Variants in KLRG1 observed in about 807,000 individuals in gnomAD.
The protein encoded by KLRG1 is killer cell lectin-like receptor subfamily G member 1.
In KLRG1, 16 loss-of-function variants were observed where a neutral mutation model predicts 21.8. The ratio of observed to expected loss-of-function variants is 0.73; its 90% confidence interval spans 0.50 to 1.11. KLRG1 has a LOEUF of 1.11. KLRG1 is among the 50% of genes most tolerant of loss of function. The pLI is 0.00. For synonymous variants in KLRG1, 69 were observed against 75.9 expected (o/e 0.91, Z 0.47); for missense variants, 173 against 218.3 (o/e 0.79, Z 1.31).
At chr12:9,091,163 T>A in the KLRG1 span, 1 of 1,593,856 alleles carries the variant, frequency 6.3e-7, no homozygotes, top group Non-Finnish European at 8.6e-7. Context: ...ATTTACTTGA[T>A]GGCTACCTTG....
chr12:9,009,969 A>T lies in KLRG1; in HGVS notation c.*432A>T. The T allele has an allele frequency of 1.3e-6, 2 of 1,531,904 alleles. No individual in the cohort carries two copies. The highest frequency in any genetic ancestry group is 1.2e-5 in the South Asian group (1 of 83,936). 94.9% of individuals were successfully genotyped at this position (1,531,904 alleles called of 1,614,324 possible). On this transcript the variant is annotated 3_prime_UTR_variant, in exon 5 of 5. Coordinates refer to ENST00000356986, the MANE Select transcript of KLRG1 (RefSeq NM_005810.4). The stretch of plus-strand genomic sequence containing the variant: ...TGCTGTACTCCTCTGTACATTACTG[A>T]TCCCTGATGGTATATTTCTATCCTA...
intron 3 of KLRG1, among the ~76,000 whole-genome samples, chr12:8,997,078 G>C (rs1310891713): frequency 6.6e-6 from 1 of 152,178 alleles, no homozygotes; most frequent in Non-Finnish European, 1.5e-5. Flanking sequence ...CCCAGAGGAA[G>C]GGCAGGATCA....
the KLRG1 span, chr12:9,093,614 C>G: frequency 8.3e-7 from 1 of 1,206,536 alleles, no homozygotes; most frequent in East Asian, 2.5e-5. Context: ...TTACAATAAA[C>G]ATACAGATAA....
downstream of KLRG1, among the ~76,000 whole-genome samples, chr12:9,011,014 C>G (rs1947624277): frequency 6.6e-6 from 1 of 152,122 alleles, no homozygotes; most frequent in Non-Finnish European, 1.5e-5. Context: ...TTGGTAGTGA[C>G]TCTCAATTAA....
chr12:9,030,973 T>C, the KLRG1 span, among the ~76,000 whole-genome samples: 1 of 152,226 alleles, frequency 6.6e-6, no homozygotes, highest in African/African-American at 2.4e-5. Context: ...AGATAGCATC[T>C]CCCGGCAGGG....
At chr12:9,023,004 T>C in the KLRG1 span, among the ~76,000 whole-genome samples, 2 of 152,250 alleles carry the variant, frequency 1.3e-5, no homozygotes, top group Non-Finnish European at 2.9e-5. Context: ...GTATCTTTTG[T>C]AATATTCTTT....
chr12:9,160,787 C>T, the KLRG1 span, among the ~76,000 whole-genome samples: 1 of 151,860 alleles, frequency 6.6e-6, no homozygotes. Context: ...TGGTGGCGGG[C>T]GCCTGTAGTC....
the KLRG1 span, among the ~76,000 whole-genome samples, chr12:9,175,381 C>A: frequency 5.9e-5 from 9 of 152,138 alleles, no homozygotes; most frequent in Non-Finnish European, 1.0e-4. Flanking sequence ...CTAGGCAATA[C>A]CATTCAGGAG....
intron 1 of KLRG1, chr12:8,970,454 A>G (rs1184723863): frequency 6.6e-6 from 1 of 152,240 alleles, no homozygotes; most frequent in East Asian, 1.9e-4. Flanking sequence ...ATATTCCCCT[A>G]TCCACTGAAA....
At chr12:9,116,817 C>T in the KLRG1 span, among the ~76,000 whole-genome samples, 3 of 152,230 alleles carry the variant, frequency 2.0e-5, no homozygotes, top group East Asian at 3.9e-4. Flanking sequence ...AAAGATTTTA[C>T]ATTCTTGTTG....
rs757615058 is a variant in KLRG1, at chr12:8,953,842, CT to C, written c.-156+3607del. Among the ~76,000 whole-genome samples, 12 of 152,196 alleles carry C rather than the reference CT, an allele frequency of 7.9e-5. No homozygotes were observed. The East Asian group carries it at 2.3e-3, about 29-fold the overall frequency. ...CGAAAAGGAGCTGTTACTTCTAGGGCTGAAGAAGAGTTAATAAAGGAGTTAC... is the reference window on the plus strand; with the variant it reads ...CGAAAAGGAGCTGTTACTTCTAGGGCGAAGAAGAGTTAATAAAGGAGTTAC... On this transcript the variant is annotated intron_variant, in intron 1 of 4. Coordinates refer to the KLRG1 transcript ENST00000539240.
chr12:9,101,759 C>G, the KLRG1 span: 1 of 1,025,110 alleles, frequency 9.8e-7, no homozygotes, highest in Non-Finnish European at 1.4e-6. Context: ...GTTTACTGTC[C>G]TACCTTAACT....
chr12:9,095,386 C>T, the KLRG1 span, among the ~76,000 whole-genome samples: 6 of 152,310 alleles, frequency 3.9e-5, no homozygotes, highest in Middle Eastern at 3.4e-3. Context: ...AGCAGCTTTT[C>T]GCAGATCTGC....
the KLRG1 span, chr12:9,070,439 C>A: frequency 1.6e-6 from 2 of 1,220,298 alleles, no homozygotes; most frequent in Non-Finnish European, 2.4e-6. Flanking sequence ...GCTGGGGATA[C>A]ATACATCATT....
At chr12:9,197,638 T>C in the KLRG1 span, among the ~76,000 whole-genome samples, 1 of 67,550 alleles carries the variant, frequency 1.5e-5, no homozygotes, top group South Asian at 4.7e-4. Flanking sequence ...TATTATATAT[T>C]ATATTATATA....
the KLRG1 span, among the ~76,000 whole-genome samples, chr12:9,158,763 T>C: frequency 2.0e-5 from 3 of 146,910 alleles, no homozygotes; most frequent in Non-Finnish European, 4.5e-5. Flanking sequence ...TTTTCTTTTT[T>C]TTTTTTTTTT....
At chr12:9,200,860 G>A in the KLRG1 span, 2 of 1,589,748 alleles carry the variant, frequency 1.3e-6, no homozygotes, top group Admixed American at 3.6e-5. Flanking sequence ...GAACCAAAAT[G>A]TTATGCCTTT....
chr12:9,074,051 G>A, the KLRG1 span, among the ~76,000 whole-genome samples: 3 of 145,082 alleles, frequency 2.1e-5, no homozygotes, highest in South Asian at 2.2e-4. Context: ...TTGCACCACT[G>A]CATTCCAGCC....
the KLRG1 span, among the ~76,000 whole-genome samples, chr12:9,086,170 T>C: frequency 1.3e-5 from 2 of 152,040 alleles, no homozygotes; most frequent in African/African-American, 4.8e-5. Context: ...CTGATACCAA[T>C]GTCATAAAAA....
Sources: gnomAD v4.1 joint callset for allele counts (sites outside exome capture counted in the v4.1 genomes callset) on GRCh38, gnomAD v4.1.1 for gene constraint, MANE v1.5 for transcripts, NCBI Gene and HGNC (gene_info 2026-07-23, HGNC 2026-07-21) for gene names.